Variants in ZNF536 observed in about 807,000 individuals in gnomAD.
ZNF536 encodes the protein zinc finger protein 536.
Under a neutral mutation model 84.5 loss-of-function variants are expected in ZNF536, and 13 were observed. The observed-to-expected ratio is 0.15, with a 90% confidence interval of 0.10 to 0.24. The LOEUF (loss-of-function observed/expected upper bound fraction) is 0.24. ZNF536 is among the 10% of genes least tolerant of loss of function. The pLI, the probability that ZNF536 is intolerant of heterozygous loss-of-function variation, is 1.00. For synonymous variants in ZNF536, 811 were observed against 742.5 expected (o/e 1.09, Z -1.50); for missense variants, 1,536 against 1,747.5 (o/e 0.88, Z 2.16).
At chr19:30,244,216 T>C (rs1381845606) in intron 1 of ZNF536, among the ~76,000 whole-genome samples, 3 of 152,170 alleles carry the variant, frequency 2.0e-5, no homozygotes, top group African/African-American at 7.2e-5. Context: ...ACAGGATTGC[T>C]CATTTCCCAT....
intron 1 of ZNF536, among the ~76,000 whole-genome samples, chr19:30,258,609 T>C (rs924685274): frequency 1.3e-5 from 2 of 152,206 alleles, no homozygotes; most frequent in Non-Finnish European, 2.9e-5. Context: ...ATTTGATAGA[T>C]GAATGCTTTA....
intron 1 of ZNF536, among the ~76,000 whole-genome samples, chr19:30,687,582 G>A (rs2051240546): frequency 6.6e-6 from 1 of 152,124 alleles, no homozygotes; most frequent in Admixed American, 6.5e-5. Context: ...TAAACTCAAG[G>A]TCACGTTCAC....
At chr19:30,608,682 G>T (rs892098) in intron 1 of ZNF536, among the ~76,000 whole-genome samples, 70,197 of 152,032 alleles carry the variant, frequency 0.46, 16,530 homozygotes, top group East Asian at 0.7. Context: ...GCAGCTTGGA[G>T]ATCTAGAGTC....
upstream of ZNF536, among the ~76,000 whole-genome samples, chr19:30,370,566 G>GA (rs534520182): frequency 1.2e-3 from 179 of 152,166 alleles, no homozygotes; most frequent in African/African-American, 4.0e-3. Flanking sequence ...AAACAGAGGG[G>GA]AAAAAAACTA....
chr19:30,421,183 G>A (rs1568411954), intron 1 of ZNF536, among the ~76,000 whole-genome samples: 1 of 152,176 alleles, frequency 6.6e-6, no homozygotes, highest in African/African-American at 2.4e-5. Flanking sequence ...GCAGAGAAGG[G>A]AGAAGTCGGT....
rs370926492 is a variant in ZNF536 at position 30,705,402 on chromosome 19, G to T, written c.170-5355G>T. Among the ~76,000 whole-genome samples, 52 of 152,172 alleles carry T rather than the reference G, an allele frequency of 3.4e-4. 2 individuals carry two copies. In the South Asian group the frequency reaches 0.011, roughly 31 times the overall value. ...AATTGTGTATAAACTAACACATTATGTGTGTGTGTATGTGTGTTTGAGCCT... is the reference window on the plus strand; with the variant it reads ...AATTGTGTATAAACTAACACATTATTTGTGTGTGTATGTGTGTTTGAGCCT... On this transcript the variant is annotated intron_variant, in intron 1 of 1. Coordinates refer to the ZNF536 transcript ENST00000592773.
chr19:30,444,263 C>A lies in ZNF536; in HGVS notation c.701C>A (p.Pro234Gln). 6.4e-7 allele frequency: 1 copy of A among 1,553,064 alleles called. No individual in the cohort carries two copies. The highest frequency in any genetic ancestry group is 8.6e-7 in the Non-Finnish European group (1 of 1,156,536). Residue 234 changes from proline to glutamine, a missense_variant, in exon 2 of 5, where the codon CCG becomes CAG. Pro to Gln is a moderately conservative substitution (Grantham distance 76). Transcript: ENST00000355537. The stretch of plus-strand genomic sequence containing the variant: ...CCCCCGCCGCACGCCCAGCAGGCCC[C>A]GCTGGCCGCCTGCACCCTGGCCCTG... ...LKPPPHAQQA[P>Q]LAACTLALQA...
chr19:30,307,784 C>T (rs980277038), intron 2 of ZNF536, among the ~76,000 whole-genome samples: 1 of 152,172 alleles, frequency 6.6e-6, no homozygotes, highest in African/African-American at 2.4e-5. Flanking sequence ...ATTGCCAATG[C>T]AATAAGGTTG....
At chr19:30,503,282 A>G (rs2055024079) in intron 2 of ZNF536, among the ~76,000 whole-genome samples, 1 of 152,262 alleles carries the variant, frequency 6.6e-6, no homozygotes, top group African/African-American at 2.4e-5. Context: ...GCAAAGAAAA[A>G]CAAAGCCTTT....
At chr19:30,482,460 A>G (rs1240867036) in intron 2 of ZNF536, among the ~76,000 whole-genome samples, 3 of 151,948 alleles carry the variant, frequency 2.0e-5, no homozygotes, top group Non-Finnish European at 2.9e-5. Context: ...TTGTCCCATC[A>G]CTGTGACCCC....
intron 1 of ZNF536, among the ~76,000 whole-genome samples, chr19:30,690,565 G>T (rs892739703): frequency 3.3e-5 from 5 of 152,118 alleles, no homozygotes; most frequent in Non-Finnish European, 7.4e-5. Flanking sequence ...CTTTCCACTG[G>T]ATTCACTGGC....
At chr19:30,681,959 TC>T (rs2050989595) in intron 1 of ZNF536, among the ~76,000 whole-genome samples, 2 of 152,150 alleles carry the variant, frequency 1.3e-5, no homozygotes, top group Non-Finnish European at 1.5e-5. Flanking sequence ...CTCCACTGTG[TC>T]TTCCGTAAGC....
chr19:30,576,208 G>A (rs1008342526), intron 1 of ZNF536, among the ~76,000 whole-genome samples: 3 of 152,350 alleles, frequency 2.0e-5, no homozygotes, highest in Non-Finnish European at 4.4e-5. Context: ...GCTGCTGGGC[G>A]TGGGGGACCC....
chr19:30,246,131 C>T (rs1381578189), intron 1 of ZNF536, among the ~76,000 whole-genome samples: 3 of 152,106 alleles, frequency 2.0e-5, no homozygotes, highest in Non-Finnish European at 2.9e-5. Flanking sequence ...CTGGCTTCAA[C>T]GAGACACTCG....
intron 2 of ZNF536, among the ~76,000 whole-genome samples, chr19:30,499,960 C>A (rs2054883266): frequency 6.6e-6 from 1 of 152,204 alleles, no homozygotes; most frequent in Non-Finnish European, 1.5e-5. Context: ...GGCCCCACCC[C>A]ACTCCCCCAC....
rs189767143 is a variant in ZNF536 at position 30,501,672 on chromosome 19, C to T, written c.2171-33175C>T. ...GACTCACACACCTCTGAAATGTTCA[C>T]GTAGGTCAGTGGGGAAATAGAATTT... On this transcript the variant is annotated intron_variant, in intron 2 of 4. Coordinates refer to ENST00000355537, the MANE Select transcript of ZNF536 (RefSeq NM_014717.3). Among the ~76,000 whole-genome samples, 40 of 152,276 alleles carry T rather than the reference C, an allele frequency of 2.6e-4. 1 individual carries two copies. The highest frequency in any genetic ancestry group is 1.7e-3 in the East Asian group (9 of 5,184).
intron 1 of ZNF536, among the ~76,000 whole-genome samples, chr19:30,267,198 CTA>C (rs1205979175): frequency 1.3e-5 from 2 of 152,162 alleles, no homozygotes; most frequent in African/African-American, 4.8e-5. Flanking sequence ...TTCAGAAATT[CTA>C]TATGTTGTCA....
Position 30,522,640 on chromosome 19 carries a change from A to G in ZNF536, c.2171-12207A>G, listed in dbSNP as rs1051409537. ...CCTAATAGGCATGCTTTTCAGATGC[A>G]AAAACGTGTTCTTTATAAGGAAGCC... On this transcript the variant is annotated intron_variant, in intron 2 of 4. Transcript: ENST00000355537. Among the ~76,000 whole-genome samples the G allele has an allele frequency of 2.0e-5, 3 of 152,132 alleles. No homozygotes were observed. In the South Asian group the frequency reaches 6.2e-4, roughly 32 times the overall value.
At chr19:30,560,765 A>G (rs1253855818), downstream of ZNF536, among the ~76,000 whole-genome samples, 1 of 152,208 alleles carries the variant, frequency 6.6e-6, no homozygotes, top group Non-Finnish European at 1.5e-5. Context: ...TTGGAGAAAA[A>G]GAATCTAAAT....
Sources: gnomAD v4.1 joint callset for allele counts (sites outside exome capture counted in the v4.1 genomes callset) on GRCh38, gnomAD v4.1.1 for gene constraint, MANE v1.5 for transcripts, NCBI Gene and HGNC (gene_info 2026-07-23, HGNC 2026-07-21) for gene names.